CNTN1: variants seen among roughly 807,000 people sequenced by gnomAD.
CNTN1 encodes contactin 1, also known as contactin-1.
CNTN1 carries 38 observed loss-of-function variants against 126.4 expected under a neutral mutation model. That is an observed-to-expected ratio of 0.30 (90% confidence interval 0.23 to 0.39). The LOEUF (loss-of-function observed/expected upper bound fraction) is 0.39. Ranked by LOEUF, CNTN1 falls within the 10% of genes least tolerant of loss-of-function variation. CNTN1 has a pLI of 1.00. For missense variants in CNTN1, 1,009 were observed against 1,248.4 expected (o/e 0.81, Z 2.89); for synonymous variants, 413 against 422.6 (o/e 0.98, Z 0.28).
intron 1 of CNTN1, among the ~76,000 whole-genome samples, chr12:40,725,113 G>A (rs1164071251): frequency 6.6e-6 from 1 of 152,130 alleles, no homozygotes; most frequent in African/African-American, 2.4e-5. Context: ...TAGAAAACTT[G>A]TAATTGGGCC....
chr12:40,802,976 T>A (rs1940712008), intron 1 of CNTN1, among the ~76,000 whole-genome samples: 1 of 151,988 alleles, frequency 6.6e-6, no homozygotes, highest in Non-Finnish European at 1.5e-5. Flanking sequence ...AAGCCATGTT[T>A]CGAATCCTGT....
chr12:40,787,685 A>C (rs1467102555), intron 1 of CNTN1, among the ~76,000 whole-genome samples: 1 of 53,820 alleles, frequency 1.9e-5, no homozygotes, highest in Non-Finnish European at 5.0e-5. Flanking sequence ...GAAGAATAAA[A>C]TAAAATAACT....
rs530752245 is a variant in CNTN1, at chr12:40,933,380, A to G, written c.704-81A>G. ...AAGCTTCCATGTTGGAGCAGCTCTA[A>G]TCCTGTAGAATTACCATGTTTAAGA... On this transcript the variant is annotated intron_variant, in intron 7 of 23. Coordinates refer to ENST00000551295, the MANE Select transcript of CNTN1 (RefSeq NM_001843.4). 352 of 990,420 alleles carry G rather than the reference A, an allele frequency of 3.6e-4. 1 individual carries two copies. The highest frequency in any genetic ancestry group is 4.8e-4 in the Non-Finnish European group (298 of 616,168). The allele number at this position is 990,420 out of a possible 1,614,324, so 61.4% of individuals were successfully genotyped here. A position where few individuals can be genotyped will look rare whatever the true frequency, so the allele number is the denominator to read the frequency against.
intron 1 of CNTN1, among the ~76,000 whole-genome samples, chr12:40,704,462 A>G (rs1941682957): frequency 6.6e-6 from 1 of 152,160 alleles, no homozygotes; most frequent in East Asian, 1.9e-4. Flanking sequence ...AATTAAACAT[A>G]GAGTCATATT....
chr12:41,029,475 C>T (rs574913700), intron 23 of CNTN1, among the ~76,000 whole-genome samples: 33 of 152,150 alleles, frequency 2.2e-4, no homozygotes, highest in African/African-American at 2.6e-4. Context: ...ATAAGACGAA[C>T]GAGTTTTTGG....
At chr12:41,069,902 G>C (rs374843568) in intron 23 of CNTN1, 57 bp from the exon 24 acceptor site, 101 of 1,402,344 alleles carry the variant, frequency 7.2e-5, no homozygotes, top group Non-Finnish European at 1.0e-4. Flanking sequence ...CAGACTAAAT[G>C]AGCAATAGTG....
chr12:40,857,068 G>T (rs994391273), intron 1 of CNTN1, among the ~76,000 whole-genome samples: 2 of 152,006 alleles, frequency 1.3e-5, no homozygotes, highest in Admixed American at 1.3e-4. Flanking sequence ...ATATGCAAAG[G>T]GGTACATAAC....
In CNTN1 at chr12:40,744,670, T is replaced by C. The variant is rs561723902; in HGVS notation, c.-77+52078T>C. On this transcript the variant is annotated intron_variant, in intron 1 of 23. Coordinates refer to ENST00000551295, the MANE Select transcript of CNTN1 (RefSeq NM_001843.4). ...AAGAAATATTTGGGAACTAAGGGCGTAAAAGACAGCTGTTAAAGGCATTCA... is the reference window on the plus strand; with the variant it reads ...AAGAAATATTTGGGAACTAAGGGCGCAAAAGACAGCTGTTAAAGGCATTCA... Among the ~76,000 whole-genome samples, 3 of 152,238 alleles carry C rather than the reference T, an allele frequency of 2.0e-5. No homozygotes were observed. In the East Asian group the frequency reaches 5.8e-4, roughly 29 times the overall value.
chr12:41,011,220 C>T (rs1309345571), intron 17 of CNTN1, among the ~76,000 whole-genome samples: 1 of 152,188 alleles, frequency 6.6e-6, no homozygotes, highest in Non-Finnish European at 1.5e-5. Flanking sequence ...TCTCAGATGG[C>T]TCCTCTGGAA....
chr12:40,870,193 G>A (rs1450412755), intron 1 of CNTN1, among the ~76,000 whole-genome samples: 1 of 146,394 alleles, frequency 6.8e-6, no homozygotes, highest in Admixed American at 6.8e-5. Context: ...AAATTGCCTA[G>A]TCTTGGGTAT....
chr12:40,908,394 T>A lies in CNTN1; in HGVS notation c.-39T>A. On this transcript the variant is annotated 5_prime_UTR_variant, in exon 2 of 24. Transcript: ENST00000551295. The stretch of plus-strand genomic sequence containing the variant: ...ATCCAACTGCCATAGAGCTAAATTC[T>A]TTTTTGGAAAATTGAACCGAACTTC... The A allele has an allele frequency of 6.3e-7, 1 of 1,578,814 alleles. No individual in the cohort carries two copies. The highest frequency in any genetic ancestry group is 1.1e-5 in the South Asian group (1 of 90,138).
At chr12:40,782,810 G>A (rs2136452527) in intron 1 of CNTN1, among the ~76,000 whole-genome samples, 1 of 151,830 alleles carries the variant, frequency 6.6e-6, no homozygotes, top group East Asian at 1.9e-4. Context: ...ATCTATATGG[G>A]GTAGCCAAAT....
At chr12:40,812,601 A>G (rs1941107005) in intron 1 of CNTN1, among the ~76,000 whole-genome samples, 1 of 152,152 alleles carries the variant, frequency 6.6e-6, no homozygotes. Flanking sequence ...GGGTGCATAT[A>G]TATTTACAAT....
At chr12:40,770,020 C>T (rs548826415) in intron 1 of CNTN1, among the ~76,000 whole-genome samples, 2 of 152,262 alleles carry the variant, frequency 1.3e-5, no homozygotes, top group East Asian at 3.9e-4. Context: ...TTGTTTTGCA[C>T]TCAGGCACAG....
At chr12:40,784,655 G>C (rs1939937789) in intron 1 of CNTN1, among the ~76,000 whole-genome samples, 2 of 152,118 alleles carry the variant, frequency 1.3e-5, no homozygotes, top group African/African-American at 4.8e-5. Flanking sequence ...GTTTGCCCAA[G>C]TTGGAGACTG....
chr12:40,803,772 G>A (rs1192953438), intron 1 of CNTN1, among the ~76,000 whole-genome samples: 1 of 151,668 alleles, frequency 6.6e-6, no homozygotes, highest in Non-Finnish European at 1.5e-5. Context: ...GAGGGGAAGA[G>A]GGAAGAGGAG....
At chr12:40,858,235 G>A (rs1205742339) in intron 1 of CNTN1, among the ~76,000 whole-genome samples, 1 of 152,086 alleles carries the variant, frequency 6.6e-6, no homozygotes, top group African/African-American at 2.4e-5. Context: ...ACTTCTTCAA[G>A]GCCAGCAGGA....
intron 1 of CNTN1, among the ~76,000 whole-genome samples, chr12:40,798,203 G>A (rs1323662635): frequency 6.6e-6 from 1 of 151,916 alleles, no homozygotes; most frequent in Non-Finnish European, 1.5e-5. Context: ...GCAAATGAAT[G>A]GACAGAGAAG....
At chr12:40,971,604 T>C in intron 15 of CNTN1, 1 of 1,522,042 alleles carries the variant, frequency 6.6e-7, no homozygotes. Context: ...CTTCTGCAGT[T>C]CTCCCCACCC....
Sources: allele counts gnomAD v4.1 joint callset (sites outside exome capture counted in the v4.1 genomes callset), GRCh38; gene constraint gnomAD v4.1.1; transcripts MANE v1.5; gene names NCBI Gene and HGNC (gene_info 2026-07-23, HGNC 2026-07-21).